SLC14A2: variants seen among roughly 807,000 people sequenced by gnomAD.
SLC14A2 encodes the protein urea transporter 2.
SLC14A2 carries 91 observed loss-of-function variants against 104.6 expected under a neutral mutation model. The observed-to-expected ratio is 0.87, with a 90% CI of 0.73 to 1.04. SLC14A2 has a LOEUF of 1.04. Among genes scored for constraint, SLC14A2 ranks in the 50% least tolerant of loss-of-function variants. The pLI is 0.00. For synonymous variants in SLC14A2, 476 were observed against 466.4 expected, an observed-to-expected ratio of 1.02 and a Z score of -0.27; for missense variants, 1,189 against 1,156.0, an observed-to-expected ratio of 1.03 and a Z score of -0.41.
intron 2 of SLC14A2, among the ~76,000 whole-genome samples, chr18:45,539,986 G>A (rs1236090705): frequency 6.6e-6 from 1 of 152,104 alleles, no homozygotes; most frequent in Admixed American, 6.5e-5. Context: ...AAAATACGGG[G>A]TGCTGAGCAA....
At chr18:45,556,906 A>G (rs955048847) in intron 2 of SLC14A2, among the ~76,000 whole-genome samples, 6 of 152,200 alleles carry the variant, frequency 3.9e-5, no homozygotes, top group Non-Finnish European at 7.3e-5. Context: ...CTTTATGCAT[A>G]TAAGAAATCT....
intron 2 of SLC14A2, chr18:45,550,201 TG>T (rs1463468653): frequency 2.6e-5 from 4 of 152,170 alleles, no homozygotes; most frequent in Non-Finnish European, 5.9e-5. Flanking sequence ...TGAGGAAGCT[TG>T]GGGTGGGAGT....
intron 1 of SLC14A2, among the ~76,000 whole-genome samples, chr18:45,458,444 CACT>C (rs1217133315): frequency 6.6e-6 from 1 of 152,174 alleles, no homozygotes; most frequent in Non-Finnish European, 1.5e-5. Flanking sequence ...CTCGGGGTAA[CACT>C]CAGGGAAAGA....
chr18:45,628,634 G>T (rs536502581), intron 4 of SLC14A2, among the ~76,000 whole-genome samples: 54 of 152,168 alleles, frequency 3.5e-4, no homozygotes, highest in Non-Finnish European at 4.7e-4. Context: ...TCAATTTGGG[G>T]ATCACCAAGC....
intron 1 of SLC14A2, among the ~76,000 whole-genome samples, chr18:45,218,874 T>C (rs2084035822): frequency 6.6e-6 from 1 of 150,846 alleles, no homozygotes; most frequent in African/African-American, 2.5e-5. Context: ...ATGCACTAAA[T>C]CTCTGAGAAG....
At chr18:45,594,779 C>T (rs576285120) in intron 2 of SLC14A2, among the ~76,000 whole-genome samples, 2 of 152,300 alleles carry the variant, frequency 1.3e-5, no homozygotes, top group Admixed American at 1.3e-4. Context: ...AGTCAGAACT[C>T]TAGAGCCTAA....
chr18:45,624,738 T>G lies in SLC14A2; in HGVS notation c.74T>G (p.Phe25Cys). Residue 25 changes from phenylalanine (F) to cysteine (C), a missense_variant, in exon 2 of 20, where the codon TTT becomes TGT. Physicochemically the swap from Phe to Cys is radical, Grantham distance 205. Coordinates refer to ENST00000255226, the MANE Select transcript of SLC14A2 (RefSeq NM_007163.4). ...AGATACAAACTCTACGAGGCAGAGTTTACCAGCCCGAGCTGGCCCTCGACA... is the reference window on the plus strand; with the variant it reads ...AGATACAAACTCTACGAGGCAGAGTGTACCAGCCCGAGCTGGCCCTCGACA... ...SSRYKLYEAE[F>C]TSPSWPSTSP... 6.2e-7 allele frequency: 1 copy of G among 1,613,494 alleles called. No individual in the cohort carries two copies. The highest frequency in any genetic ancestry group is 1.3e-5 in the African/African-American group (1 of 75,008).
intron 1 of SLC14A2, among the ~76,000 whole-genome samples, chr18:45,273,955 C>A (rs1426945576): frequency 1.3e-5 from 2 of 152,088 alleles, no homozygotes; most frequent in African/African-American, 4.8e-5. Context: ...ACATTTAATG[C>A]ATTTTATTTA....
At chr18:45,424,198 C>T (rs554654229) in intron 1 of SLC14A2, 30 of 152,304 alleles carry the variant, frequency 2.0e-4, no homozygotes, top group African/African-American at 6.3e-4. Flanking sequence ...TTTAAAAGGC[C>T]TGGGATCACA....
At chr18:45,668,100 C>A in intron 14 of SLC14A2, 78 bp downstream of exon 14, 1 of 1,384,650 alleles carries the variant, frequency 7.2e-7, no homozygotes. Flanking sequence ...CTCTTCCCAG[C>A]TGAGAAATCC....
At chr18:45,451,510 T>A (rs545757812) in intron 1 of SLC14A2, among the ~76,000 whole-genome samples, 104 of 152,228 alleles carry the variant, frequency 6.8e-4, no homozygotes, top group Non-Finnish European at 1.3e-3. Context: ...ATGGGTAGGA[T>A]TTTGTTTATT....
rs57482453 is a variant in SLC14A2, at chr18:45,367,996, G to A, written c.-124-115237G>A. Among the ~76,000 whole-genome samples the A allele has an allele frequency of 8.8e-4, 134 of 152,224 alleles. 6 individuals carry two copies. In the East Asian group the frequency reaches 0.016, roughly 18 times the overall value. On this transcript the variant is annotated intron_variant, in intron 1 of 20. Transcript: ENST00000586448. ...CTTGGATTGAAAACAGGAACATCTG[G>A]GTGGCTGTGATCCTTCATGTCTCTT... is the stretch of plus-strand genomic sequence containing the variant.
chr18:45,508,179 A>C (rs903487105), intron 2 of SLC14A2, among the ~76,000 whole-genome samples: 1 of 152,114 alleles, frequency 6.6e-6, no homozygotes, highest in Non-Finnish European at 1.5e-5. Flanking sequence ...TCCTGTGTTG[A>C]CTTGTTTACA....
intron 1 of SLC14A2, among the ~76,000 whole-genome samples, chr18:45,417,063 G>GCTCTCTATC (rs2144508322): frequency 6.6e-6 from 1 of 152,268 alleles, no homozygotes; most frequent in East Asian, 1.9e-4. Flanking sequence ...GATACAGCTG[G>GCTCTCTATC]CTCTCTATCA....
At chr18:45,202,918 A>T in the SLC14A2 span, among the ~76,000 whole-genome samples, 4 of 152,160 alleles carry the variant, frequency 2.6e-5, no homozygotes, top group African/African-American at 4.8e-5. Context: ...GTGTAAAGAA[A>T]AAAAAGGAGG....
intron 10 of SLC14A2, among the ~76,000 whole-genome samples, chr18:45,648,251 G>T (rs1452270093): frequency 7.3e-6 from 1 of 137,704 alleles, no homozygotes; most frequent in Admixed American, 7.8e-5. Flanking sequence ...TATCGCCCAG[G>T]CTGGAGTGCA....
Position 45,639,857 on chromosome 18 carries a change from C to T in SLC14A2, c.955C>T (p.His319Tyr), listed in dbSNP as rs570265192. 1 of 1,613,812 alleles carries T rather than the reference C, an allele frequency of 6.2e-7. No homozygotes were observed. The highest frequency in any genetic ancestry group is 8.5e-7 in the Non-Finnish European group (1 of 1,180,002). The change falls in exon 7 of 20, where the codon CAT becomes TAT. Residue 319 changes from histidine (H) to tyrosine (Y), a missense_variant. By Grantham distance (83) the His-to-Tyr change is moderately conservative. Transcript: ENST00000255226. ...CATCTCCTCGCCACTCATCTGCTTGCATGCAGCCATTGGCTCAATCGTGGG... is the reference window on the plus strand; with the variant it reads ...CATCTCCTCGCCACTCATCTGCTTGTATGCAGCCATTGGCTCAATCGTGGG... ...LFISSPLICL[H>Y]AAIGSIVGLL...
At chr18:45,476,909 C>G (rs535099474) in intron 1 of SLC14A2, among the ~76,000 whole-genome samples, 51 of 152,254 alleles carry the variant, frequency 3.3e-4, no homozygotes, top group African/African-American at 1.2e-3. Context: ...TCTTGGCTTC[C>G]TTGCATTGGG....
intron 1 of SLC14A2, among the ~76,000 whole-genome samples, chr18:45,289,456 T>C (rs1438449161): frequency 6.6e-6 from 1 of 152,094 alleles, no homozygotes; most frequent in Non-Finnish European, 1.5e-5. Context: ...AATCTACCTA[T>C]CAATATGAAA....
Sources: allele counts gnomAD v4.1 joint callset (sites outside exome capture counted in the v4.1 genomes callset), GRCh38; gene constraint gnomAD v4.1.1; transcripts MANE v1.5; gene names NCBI Gene and HGNC (gene_info 2026-07-23, HGNC 2026-07-21).